The following RABGAP1 variants were observed in gnomAD, a reference collection of about 807,000 sequenced individuals.
RABGAP1 encodes rab GTPase-activating protein 1.
A neutral mutation model predicts 137.6 loss-of-function variants in RABGAP1; 23 were observed. The ratio of observed to expected loss-of-function variants is 0.17; its 90% CI spans 0.12 to 0.24. The LOEUF (loss-of-function observed/expected upper bound fraction) is 0.24, where lower values mean the gene tolerates loss of function less well. RABGAP1 is among the 10% of genes least tolerant of loss of function. The pLI is 1.00. For missense variants in RABGAP1, 906 were observed against 1,275.8 expected, an observed-to-expected ratio of 0.71 and a Z score of 4.42; for synonymous variants, 451 against 450.7, an observed-to-expected ratio of 1.00 and a Z score of -0.01.
intron 13 of RABGAP1, among the ~76,000 whole-genome samples, chr9:123,064,933 T>G (rs755197244): frequency 6.6e-6 from 1 of 152,198 alleles, no homozygotes; most frequent in Non-Finnish European, 1.5e-5. Context: ...AAAACTGGCA[T>G]ATGGGCTTCA....
intron 12 of RABGAP1, 27 bp downstream of exon 12, chr9:123,015,663 T>C (rs138630650): frequency 3.3e-6 from 5 of 1,498,884 alleles, no homozygotes; most frequent in East Asian, 4.5e-5. Context: ...TAGTTTTTTT[T>C]ATCTGCAATT....
At chr9:122,940,006 A>C (rs538348936), upstream of RABGAP1, 1 of 152,312 alleles carries the variant, frequency 6.6e-6, no homozygotes, top group South Asian at 2.1e-4. Context: ...ATAAATTATC[A>C]AGTCTTATGA....
chr9:123,049,581 T>C (rs1033174760), intron 13 of RABGAP1, among the ~76,000 whole-genome samples: 4 of 152,242 alleles, frequency 2.6e-5, no homozygotes, highest in Non-Finnish European at 2.9e-5. Context: ...GTATCACTTA[T>C]GTTTCAAGTA....
At chr9:123,027,687 T>C (rs1010094511) in intron 13 of RABGAP1, among the ~76,000 whole-genome samples, 2 of 152,216 alleles carry the variant, frequency 1.3e-5, no homozygotes, top group Non-Finnish European at 2.9e-5. Context: ...GTTTCAGTTC[T>C]GCCGCTTCAT....
At chr9:123,064,610 T>A (rs1203854083) in intron 13 of RABGAP1, among the ~76,000 whole-genome samples, 3 of 152,246 alleles carry the variant, frequency 2.0e-5, no homozygotes, top group African/African-American at 7.2e-5. Flanking sequence ...GAAGGTCATA[T>A]TTCTGTGTTC....
intron 13 of RABGAP1, among the ~76,000 whole-genome samples, chr9:123,039,705 G>A (rs1221354467): frequency 1.3e-5 from 2 of 152,192 alleles, no homozygotes; most frequent in African/African-American, 4.8e-5. Flanking sequence ...CAAATTGCCA[G>A]TTTTTCACAG....
At chr9:123,057,680 A>T (rs1328565874) in intron 13 of RABGAP1, among the ~76,000 whole-genome samples, 1 of 152,180 alleles carries the variant, frequency 6.6e-6, no homozygotes, top group African/African-American at 2.4e-5. Context: ...CAATCTCGGC[A>T]CTTTGGGGGG....
Position 123,070,203 on chromosome 9 carries a change from A to C in RABGAP1, c.1909-147A>C. 7.2e-7 allele frequency: 1 copy of C among 1,383,388 alleles called. No homozygotes were observed. Among genetic ancestry groups the C allele is most frequent in the Non-Finnish European group, 9.5e-7 (1 of 1,048,832 alleles). 85.7% of individuals were successfully genotyped at this position (1,383,388 alleles called of 1,614,324 possible). On this transcript the variant is annotated intron_variant, in intron 14 of 25. Transcript: ENST00000373647. The surrounding 1 kb of genome is among the most constrained non-coding windows in gnomAD (Gnocchi z 4.4). Reference sequence around the variant, plus strand: ...AAAGAAAAAGTTAAGATTGGAGAGAAGTATTGGCACCACTTACTGTCTGTC... The same window carrying C: ...AAAGAAAAAGTTAAGATTGGAGAGACGTATTGGCACCACTTACTGTCTGTC...
Position 122,975,936 on chromosome 9 carries a change from TCTTA to T in RABGAP1, c.151-8545_151-8542del, listed in dbSNP as rs1310515365. Among the ~76,000 whole-genome samples the T allele has an allele frequency of 2.6e-5, 4 of 152,314 alleles. No homozygotes were observed. In the East Asian group the frequency reaches 7.7e-4, roughly 29 times the overall value. On this transcript the variant is annotated intron_variant, in intron 2 of 25. Transcript: ENST00000373647. ...GAGCAATGTCCCAAAGCCAGATATG[TCTTA>T]CTTGGGAGTCCAAGTATGGCTACTA...
chr9:123,002,321 A>T (rs906476453), intron 10 of RABGAP1, among the ~76,000 whole-genome samples: 2 of 149,986 alleles, frequency 1.3e-5, no homozygotes, highest in African/African-American at 4.9e-5. Flanking sequence ...AAGTTTCTAG[A>T]TGGTAAATAG....
At chr9:123,055,154 CATTT>C (rs1433345379) in intron 13 of RABGAP1, among the ~76,000 whole-genome samples, 1 of 152,086 alleles carries the variant, frequency 6.6e-6, no homozygotes, top group Admixed American at 6.5e-5. Flanking sequence ...TTTATTCAAT[CATTT>C]ATTTATGTAA....
At chr9:122,996,219 T>C in intron 7 of RABGAP1, 68 bp downstream of exon 7, 1 of 1,518,020 alleles carries the variant, frequency 6.6e-7, no homozygotes, top group Non-Finnish European at 8.8e-7. Flanking sequence ...GGCATAGTTT[T>C]ACACTGTATT....
At chr9:122,996,823 T>A in intron 8 of RABGAP1, 2 of 497,690 alleles carry the variant, frequency 4.0e-6, no homozygotes, top group South Asian at 5.1e-5. Flanking sequence ...GTGGTGGTGA[T>A]AAAATTCTTG....
intron 2 of RABGAP1, among the ~76,000 whole-genome samples, chr9:122,963,633 AT>A (rs1390094295): frequency 6.6e-6 from 1 of 152,226 alleles, no homozygotes; most frequent in Non-Finnish European, 1.5e-5. Context: ...TCTAAGGGAA[AT>A]TTATAGCTGT....
chr9:123,019,896 C>A (rs957672996), intron 12 of RABGAP1, among the ~76,000 whole-genome samples: 2 of 152,076 alleles, frequency 1.3e-5, no homozygotes, highest in African/African-American at 2.4e-5. Context: ...GGCGCCCAGG[C>A]TGCTCTTGAA....
intron 13 of RABGAP1, among the ~76,000 whole-genome samples, chr9:123,022,563 C>T (rs1233486936): frequency 3.9e-5 from 6 of 151,938 alleles, no homozygotes; most frequent in Admixed American, 1.3e-4. Flanking sequence ...CCTGCCACCA[C>T]TCCCAGCTAA....
intron 6 of RABGAP1, among the ~76,000 whole-genome samples, chr9:122,991,965 A>G (rs1229059394): frequency 6.6e-6 from 1 of 152,088 alleles, no homozygotes; most frequent in Admixed American, 6.5e-5. Context: ...CTGCCCTGCA[A>G]AGTGAAAATT....
chr9:122,989,517 G>T, intron 5 of RABGAP1, 46 bp downstream of exon 5: 1 of 1,551,174 alleles, frequency 6.4e-7, no homozygotes, highest in African/African-American at 1.4e-5. Flanking sequence ...CTTCACCAGT[G>T]CCCTCACTAG....
At chr9:123,051,742 C>CT (rs1179419585) in intron 13 of RABGAP1, among the ~76,000 whole-genome samples, 1 of 140,132 alleles carries the variant, frequency 7.1e-6, no homozygotes, top group Admixed American at 7.1e-5. Context: ...AAGAGAAAAG[C>CT]TATTTTATTT....
Sources: allele counts gnomAD v4.1 joint callset (sites outside exome capture counted in the v4.1 genomes callset), GRCh38; gene constraint gnomAD v4.1.1; non-coding constraint Gnocchi (gnomAD v3.1); transcripts MANE v1.5; gene names NCBI Gene and HGNC (gene_info 2026-07-23, HGNC 2026-07-21).